The following GAB2 variants were observed in gnomAD, a reference collection of about 807,000 sequenced individuals.
GAB2 encodes the protein GRB2 associated binding protein 2.
A neutral mutation model predicts 65.5 loss-of-function variants in GAB2; 26 were observed. The ratio of observed to expected loss-of-function variants is 0.40; its 90% CI spans 0.29 to 0.55. The LOEUF is 0.55. GAB2 is among the 20% of genes least tolerant of loss of function. GAB2 has a pLI of 0.53. For missense variants in GAB2, 884 were observed against 875.8 expected (o/e 1.01, Z -0.12); for synonymous variants, 321 against 329.6 (o/e 0.97, Z 0.28).
At chr11:78,286,359 G>C (rs1866482286) in intron 1 of GAB2, among the ~76,000 whole-genome samples, 1 of 152,020 alleles carries the variant, frequency 6.6e-6, no homozygotes, top group Admixed American at 6.6e-5. Flanking sequence ...CCCCCAGGTA[G>C]AGCTGGAGGT....
intron 1 of GAB2, chr11:78,318,218 A>C (rs1855650740): frequency 6.6e-6 from 1 of 151,844 alleles, no homozygotes; most frequent in African/African-American, 2.4e-5. Context: ...TCAGGAGTGA[A>C]TCTGGTGGAA....
At chr11:78,385,458 A>G (rs1056774065) in intron 1 of GAB2, among the ~76,000 whole-genome samples, 2 of 152,238 alleles carry the variant, frequency 1.3e-5, no homozygotes, top group African/African-American at 4.8e-5. Flanking sequence ...ACATCAAGGA[A>G]TAAACCCATA....
intron 1 of GAB2, among the ~76,000 whole-genome samples, chr11:78,374,416 C>G (rs1057114921): frequency 6.6e-6 from 1 of 152,062 alleles, no homozygotes; most frequent in Non-Finnish European, 1.5e-5. Flanking sequence ...GTCAACAAAC[C>G]CCTACAACAA....
intron 2 of GAB2, 43 bp downstream of exon 2, chr11:78,280,558 C>T: frequency 6.7e-7 from 1 of 1,496,148 alleles, no homozygotes; most frequent in Non-Finnish European, 9.2e-7. Flanking sequence ...CCAAGGGCCT[C>T]ACCTCAACCC....
At chr11:78,330,108 G>A (rs1220313374) in intron 1 of GAB2, among the ~76,000 whole-genome samples, 1 of 152,202 alleles carries the variant, frequency 6.6e-6, no homozygotes. Context: ...AGCTTCTCAA[G>A]TCTGACCTCC....
intron 3 of GAB2, among the ~76,000 whole-genome samples, chr11:78,231,310 C>A (rs1318453603): frequency 1.3e-5 from 2 of 149,500 alleles, no homozygotes; most frequent in East Asian, 3.9e-4. Context: ...TACAGTCTCT[C>A]CCTTGGTGCG....
intron 1 of GAB2, chr11:78,324,672 A>C (rs1393056791): frequency 6.6e-6 from 1 of 152,218 alleles, no homozygotes; most frequent in East Asian, 1.9e-4. Flanking sequence ...TATTCACTAT[A>C]ATCTTCTGAA....
chr11:78,396,414 T>C (rs977110322), intron 1 of GAB2, among the ~76,000 whole-genome samples: 2 of 152,236 alleles, frequency 1.3e-5, no homozygotes, highest in Admixed American at 1.3e-4. Flanking sequence ...GGGAGAGCTA[T>C]AAGAACATGT....
chr11:78,351,514 T>C (rs1856277781), intron 1 of GAB2, among the ~76,000 whole-genome samples: 1 of 152,174 alleles, frequency 6.6e-6, no homozygotes, highest in Admixed American at 6.5e-5. Context: ...AACACACAAA[T>C]GACCATGCCC....
In GAB2 at chr11:78,318,570, T is replaced by A. The variant is rs11237454; in HGVS notation, c.76-37669A>T. Among the ~76,000 whole-genome samples, 646 of 151,884 alleles carry A rather than the reference T, an allele frequency of 4.3e-3. 1 individual carries two copies. The highest frequency in any genetic ancestry group is 6.7e-3 in the Non-Finnish European group (454 of 67,934). On this transcript the variant is annotated intron_variant, in intron 1 of 9. Coordinates refer to ENST00000361507, the MANE Select transcript of GAB2 (RefSeq NM_080491.3). Reference sequence around the variant, plus strand: ...AGGATAAGGGCCTGAACAACGGCAGTGGCAGTAGGGAAGGAGAGGAAAGAA... The same window carrying A: ...AGGATAAGGGCCTGAACAACGGCAGAGGCAGTAGGGAAGGAGAGGAAAGAA...
intron 1 of GAB2, among the ~76,000 whole-genome samples, chr11:78,416,547 C>G (rs548555364): frequency 6.6e-6 from 1 of 152,302 alleles, no homozygotes; most frequent in South Asian, 2.1e-4. Context: ...GGCAACGGCT[C>G]CCTTCCAGGC....
intron 4 of GAB2, among the ~76,000 whole-genome samples, chr11:78,225,723 T>C (rs778997205): frequency 6.6e-6 from 1 of 152,216 alleles, no homozygotes; most frequent in Non-Finnish European, 1.5e-5. Flanking sequence ...GAGTCTCATC[T>C]CTGGCACAAT....
intron 1 of GAB2, among the ~76,000 whole-genome samples, chr11:78,413,191 ACT>A (rs1267087729): frequency 6.6e-6 from 1 of 152,186 alleles, no homozygotes; most frequent in Admixed American, 6.5e-5. Flanking sequence ...TCAGAACACA[ACT>A]CTGAGATGGA....
At chr11:78,257,583 TG>T in intron 2 of GAB2, among the ~76,000 whole-genome samples, 1 of 152,358 alleles carries the variant, frequency 6.6e-6, no homozygotes, top group South Asian at 2.1e-4. Context: ...CACATGGAGC[TG>T]GTTGAGACCT....
At chr11:78,291,372 A>C (rs984386881) in intron 1 of GAB2, among the ~76,000 whole-genome samples, 4 of 150,186 alleles carry the variant, frequency 2.7e-5, no homozygotes, top group Middle Eastern at 3.5e-3. Context: ...AGGCTGAGGC[A>C]GAAGAATGGC....
At chr11:78,219,991 T>C (rs965788763) in intron 9 of GAB2, among the ~76,000 whole-genome samples, 2 of 152,150 alleles carry the variant, frequency 1.3e-5, no homozygotes, top group Admixed American at 1.3e-4. Context: ...CAGGAGGCAG[T>C]ATCCTCATTC....
At chr11:78,344,718 T>A (rs963772562) in intron 1 of GAB2, among the ~76,000 whole-genome samples, 8 of 152,210 alleles carry the variant, frequency 5.3e-5, no homozygotes, top group Admixed American at 1.3e-4. Context: ...GAAAAAAAAA[T>A]TAATTCCTTC....
intron 2 of GAB2, among the ~76,000 whole-genome samples, chr11:78,265,003 C>T (rs772326153): frequency 1.2e-4 from 19 of 152,048 alleles, no homozygotes; most frequent in Non-Finnish European, 2.9e-5. Context: ...AAACACTATG[C>T]TATATGCTTT....
intron 6 of GAB2, 120 bp from the exon 7 acceptor site, chr11:78,222,315 A>G: frequency 1.5e-6 from 1 of 686,892 alleles, no homozygotes. Flanking sequence ...AGTTTCACAC[A>G]GGGAAACTGA....
Sources: allele counts gnomAD v4.1 joint callset (sites outside exome capture counted in the v4.1 genomes callset), GRCh38; gene constraint gnomAD v4.1.1; transcripts MANE v1.5; gene names NCBI Gene and HGNC (gene_info 2026-07-23, HGNC 2026-07-21).